CENPP: variants seen among roughly 807,000 people sequenced by gnomAD.
CENPP encodes the protein centromere protein P.
CENPP carries 24 observed loss-of-function variants against 35.6 expected under a neutral mutation model. The ratio of observed to expected loss-of-function variants is 0.67; its 90% CI spans 0.49 to 0.95. The LOEUF is 0.95. Among genes scored for constraint, CENPP ranks in the 40% least tolerant of loss-of-function variants. The pLI is 0.00. For synonymous variants in CENPP, 120 were observed against 125.5 expected (o/e 0.96, Z 0.29); for missense variants, 332 against 345.3 (o/e 0.96, Z 0.31).
intron 4 of CENPP, among the ~76,000 whole-genome samples, chr9:92,363,924 C>T (rs1247037700): frequency 6.6e-6 from 1 of 152,048 alleles, no homozygotes; most frequent in Admixed American, 6.5e-5. Context: ...ACCCGGCTCA[C>T]TGCAACCTCC....
intron 5 of CENPP, among the ~76,000 whole-genome samples, chr9:92,432,988 AT>A (rs1213384708): frequency 1.3e-5 from 2 of 152,154 alleles, no homozygotes; most frequent in Non-Finnish European, 2.9e-5. Flanking sequence ...GTATTGATTT[AT>A]TTTTTCTTCT....
At chr9:92,574,596 C>G (rs575800659) in intron 5 of CENPP, among the ~76,000 whole-genome samples, 1 of 152,184 alleles carries the variant, frequency 6.6e-6, no homozygotes, top group Non-Finnish European at 1.5e-5. Flanking sequence ...AGTGGAAACA[C>G]GTCCCAAATT....
chr9:92,560,258 A>G (rs1019589156), intron 5 of CENPP, among the ~76,000 whole-genome samples: 2 of 152,244 alleles, frequency 1.3e-5, no homozygotes, highest in African/African-American at 4.8e-5. Flanking sequence ...AGGTTCTCAT[A>G]TCATGACTGA....
chr9:92,453,687 C>T (rs1045265836), intron 5 of CENPP, among the ~76,000 whole-genome samples: 5 of 152,042 alleles, frequency 3.3e-5, no homozygotes, highest in Non-Finnish European at 4.4e-5. Flanking sequence ...ATCAGTGAGA[C>T]GGAAAGTTAA....
intron 5 of CENPP, among the ~76,000 whole-genome samples, chr9:92,410,612 C>T (rs964672754): frequency 5.9e-5 from 9 of 152,180 alleles, no homozygotes; most frequent in African/African-American, 2.2e-4. Context: ...CCTTAGTAGT[C>T]TCTCTTGTCC....
chr9:92,551,295 A>T (rs1344134346), intron 5 of CENPP, among the ~76,000 whole-genome samples: 1 of 152,154 alleles, frequency 6.6e-6, no homozygotes, highest in Non-Finnish European at 1.5e-5. Flanking sequence ...AGTTAAGTAT[A>T]GAAGTCTTAT....
intron 6 of CENPP, among the ~76,000 whole-genome samples, chr9:92,612,019 T>C (rs1851270544): frequency 1.3e-5 from 2 of 152,202 alleles, no homozygotes; most frequent in African/African-American, 4.8e-5. Flanking sequence ...TGCAGTGCAG[T>C]TTCACTGCTC....
intron 4 of CENPP, among the ~76,000 whole-genome samples, chr9:92,361,840 A>G (rs1487698550): frequency 1.3e-5 from 2 of 152,156 alleles, no homozygotes; most frequent in Non-Finnish European, 2.9e-5. Context: ...GCAGTGATCA[A>G]CTTCATAAAT....
At chr9:92,505,040 TAC>T (rs1846913266) in intron 5 of CENPP, among the ~76,000 whole-genome samples, 1 of 152,238 alleles carries the variant, frequency 6.6e-6, no homozygotes, top group South Asian at 2.1e-4. Context: ...ACTTGTAAGC[TAC>T]AGAGTTGCTG....
intron 5 of CENPP, among the ~76,000 whole-genome samples, chr9:92,584,551 G>C (rs1466297982): frequency 6.6e-6 from 1 of 152,064 alleles, no homozygotes; most frequent in African/African-American, 2.4e-5. Flanking sequence ...GTCTCACTAT[G>C]ACTGGTCTTG....
chr9:92,499,094 G>A (rs1846524381), intron 5 of CENPP, among the ~76,000 whole-genome samples: 1 of 152,172 alleles, frequency 6.6e-6, no homozygotes, highest in African/African-American at 2.4e-5. Flanking sequence ...GTAAGCCTGA[G>A]GCCCACGTGT....
intron 5 of CENPP, among the ~76,000 whole-genome samples, chr9:92,556,233 C>T (rs914289433): frequency 6.6e-6 from 1 of 152,050 alleles, no homozygotes; most frequent in African/African-American, 2.4e-5. Context: ...CAGTTTTATT[C>T]CACTGTGGTC....
chr9:92,412,376 T>C (rs929556118), intron 5 of CENPP, among the ~76,000 whole-genome samples: 21 of 152,184 alleles, frequency 1.4e-4, no homozygotes, highest in African/African-American at 4.8e-4. Context: ...TATGAGCCAC[T>C]GCACCCAGCC....
At chr9:92,526,274 T>C (rs1210784577) in intron 5 of CENPP, among the ~76,000 whole-genome samples, 1 of 152,204 alleles carries the variant, frequency 6.6e-6, no homozygotes, top group African/African-American at 2.4e-5. Context: ...GAAAAAAGCT[T>C]ACAAAATTAC....
chr9:92,372,230 A>G (rs1187241875), intron 4 of CENPP, among the ~76,000 whole-genome samples: 1 of 146,824 alleles, frequency 6.8e-6, no homozygotes, highest in Non-Finnish European at 1.5e-5. Flanking sequence ...CATCCCTTTA[A>G]TTGCAGTCTA....
chr9:92,444,394 G>A (rs1844498455), intron 5 of CENPP, among the ~76,000 whole-genome samples: 1 of 150,786 alleles, frequency 6.6e-6, no homozygotes, highest in African/African-American at 2.4e-5. Context: ...CTAGATACAA[G>A]TCCCTTATCG....
chr9:92,514,863 A>G lies in CENPP; in HGVS notation c.565-96451A>G, dbSNP rs34355623. The G allele has an allele frequency of 1.4e-3, 2,305 of 1,608,222 alleles. 44 individuals are homozygous for G. The African/African-American group carries it at 0.028, about 20-fold the overall frequency. On this transcript the variant is annotated intron_variant, in intron 5 of 7. Transcript: ENST00000375587. ...CACCCTCCTCACCCTCCTCCTCCTC[A>G]TCCTCCTCCTCCTCCCTTCCTTGGC...
chr9:92,556,846 C>T (rs1311399922), intron 5 of CENPP, among the ~76,000 whole-genome samples: 1 of 152,122 alleles, frequency 6.6e-6, no homozygotes, highest in African/African-American at 2.4e-5. Context: ...ATCCATCCTG[C>T]TCTTTGTTGC....
chr9:92,578,462 T>C (rs546842280), intron 5 of CENPP, among the ~76,000 whole-genome samples: 98 of 152,052 alleles, frequency 6.4e-4, no homozygotes, highest in African/African-American at 2.3e-3. Flanking sequence ...CCAGCACCTG[T>C]TGTTTCCTGA....
Sources: allele counts gnomAD v4.1 joint callset (sites outside exome capture counted in the v4.1 genomes callset), GRCh38; gene constraint gnomAD v4.1.1; transcripts MANE v1.5; gene names NCBI Gene and HGNC (gene_info 2026-07-23, HGNC 2026-07-21).